RYR2: variants seen among roughly 807,000 people sequenced by gnomAD.
RYR2 encodes the protein ryanodine receptor 2.
A neutral mutation model predicts 601.1 loss-of-function variants in RYR2; 227 were observed. That is an observed-to-expected ratio of 0.38 (90% CI 0.34 to 0.42). The LOEUF (loss-of-function observed/expected upper bound fraction) is 0.42. Among genes scored for constraint, RYR2 ranks in the 10% least tolerant of loss-of-function variants. The pLI, the probability that RYR2 is intolerant of heterozygous loss-of-function variation, is 1.00. For synonymous variants in RYR2, 2,223 were observed against 2,175.1 expected (o/e 1.02, Z -0.61); for missense variants, 4,646 against 6,156.5 (o/e 0.75, Z 8.21).
chr1:237,828,765 TG>T (rs1363110921), intron 102 of RYR2, among the ~76,000 whole-genome samples: 1 of 152,176 alleles, frequency 6.6e-6, no homozygotes, highest in African/African-American at 2.4e-5. Flanking sequence ...GAGTCCTTTA[TG>T]GGAGTAAAGC....
intron 20 of RYR2, among the ~76,000 whole-genome samples, 183 bp downstream of exon 20, chr1:237,496,935 A>G (rs1664136338): frequency 6.6e-6 from 1 of 152,226 alleles, no homozygotes; most frequent in Non-Finnish European, 1.5e-5. Flanking sequence ...GAAAAAGAAA[A>G]TACTTAAAAT....
chr1:237,618,891 T>A (rs1678781163), intron 38 of RYR2, among the ~76,000 whole-genome samples: 2 of 152,252 alleles, frequency 1.3e-5, no homozygotes, highest in South Asian at 4.1e-4. Flanking sequence ...CTCTTACCTT[T>A]CTAGCAAGGT....
chr1:237,070,550 C>G (rs1664192649), intron 1 of RYR2, among the ~76,000 whole-genome samples: 1 of 152,166 alleles, frequency 6.6e-6, no homozygotes, highest in African/African-American at 2.4e-5. Flanking sequence ...AGTGGTGCCT[C>G]TGCTTGGGTT....
chr1:237,611,623 T>C (rs1306469047), intron 36 of RYR2, among the ~76,000 whole-genome samples: 5 of 152,258 alleles, frequency 3.3e-5, no homozygotes, highest in Admixed American at 2.6e-4. Context: ...TTCTTATCAA[T>C]AAGGAGCTAA....
At chr1:237,802,043 T>A (rs1234289920) in intron 98 of RYR2, 127 bp downstream of exon 98, 1 of 520,572 alleles carries the variant, frequency 1.9e-6, no homozygotes, top group Non-Finnish European at 3.5e-6. Context: ...ACAGACCAGA[T>A]CTGGAGAGAG....
In RYR2 at chr1:237,425,054, G is replaced by A. The variant is rs1308130645; in HGVS notation, c.1005+1806G>A. On this transcript the variant is annotated intron_variant, in intron 12 of 104. Coordinates refer to ENST00000366574, the MANE Select transcript of RYR2 (RefSeq NM_001035.3). ...CAAGAAAACATATTCATTATTTAGA[G>A]TGATAATTGTAACAAAATTAAAAGT... 3.9e-5 allele frequency among the ~76,000 whole-genome samples: 6 copies of A among 152,100 alleles called. No individual in the cohort carries two copies. In the South Asian group the frequency reaches 1.2e-3, roughly 32 times the overall value.
Position 237,438,862 on chromosome 1 carries a change from C to A in RYR2, c.1006-2457C>A, listed in dbSNP as rs151275842. ...TTTCTTCCTGCTTTTGGTCCAAGTG[C>A]CTTTAAGTCAATTCTTAAAAGGATT... On this transcript the variant is annotated intron_variant, in intron 12 of 104. Transcript: ENST00000366574. 2.8e-3 allele frequency among the ~76,000 whole-genome samples: 419 copies of A among 152,228 alleles called. 5 individuals carry two copies. Among genetic ancestry groups the A allele is most frequent in the African/African-American group, 9.6e-3 (397 of 41,556 alleles).
intron 35 of RYR2, among the ~76,000 whole-genome samples, chr1:237,606,615 A>G (rs1677155989): frequency 6.6e-6 from 1 of 152,238 alleles, no homozygotes; most frequent in Admixed American, 6.5e-5. Context: ...AGAAACTACC[A>G]TCAGAGTCAA....
At chr1:237,802,880 C>T (rs1660135988) in intron 98 of RYR2, among the ~76,000 whole-genome samples, 1 of 152,192 alleles carries the variant, frequency 6.6e-6, no homozygotes, top group African/African-American at 2.4e-5. Context: ...TTTTTGTCCT[C>T]TTGATAACTT....
chr1:237,611,136 C>A, intron 36 of RYR2, 148 bp downstream of exon 36: 1 of 632,802 alleles, frequency 1.6e-6, no homozygotes. Context: ...GCAATGGAGT[C>A]ATTATTCTGC....
intron 102 of RYR2, among the ~76,000 whole-genome samples, chr1:237,829,040 G>A (rs1302413001): frequency 6.6e-6 from 1 of 152,182 alleles, no homozygotes; most frequent in African/African-American, 2.4e-5. Context: ...GGAAGTTGAT[G>A]TGCAGGTTTT....
At chr1:237,290,826 C>A (rs1692113292) in intron 2 of RYR2, among the ~76,000 whole-genome samples, 1 of 152,068 alleles carries the variant, frequency 6.6e-6, no homozygotes, top group Non-Finnish European at 1.5e-5. Context: ...GGAAAATGTT[C>A]AATATGTTTG....
chr1:237,071,252 T>C (rs2148323481), intron 1 of RYR2, among the ~76,000 whole-genome samples: 1 of 152,064 alleles, frequency 6.6e-6, no homozygotes, highest in East Asian at 1.9e-4. Flanking sequence ...AGACGAAGTC[T>C]TGCTCTTGTC....
At chr1:237,514,910 TATATC>T (rs1279580396) in intron 24 of RYR2, among the ~76,000 whole-genome samples, 14 of 152,238 alleles carry the variant, frequency 9.2e-5, no homozygotes, top group African/African-American at 2.7e-4. Context: ...GTTTAATAAA[TATATC>T]ATGGGAGGGA....
chr1:237,709,663 G>A, intron 70 of RYR2, 96 bp downstream of exon 70: 1 of 671,938 alleles, frequency 1.5e-6, no homozygotes, highest in East Asian at 2.8e-5. Context: ...AGAGAGAATA[G>A]GTTCCCCTGA....
intron 2 of RYR2, among the ~76,000 whole-genome samples, chr1:237,297,508 A>G (rs556062168): frequency 4.6e-4 from 70 of 152,148 alleles, no homozygotes; most frequent in Non-Finnish European, 7.6e-4. Flanking sequence ...ACTCAGGAAC[A>G]ATAGCTATTT....
chr1:237,709,281 G>A (rs1031002995), intron 69 of RYR2, among the ~76,000 whole-genome samples, 183 bp downstream of exon 69: 4 of 151,882 alleles, frequency 2.6e-5, no homozygotes, highest in African/African-American at 4.8e-5. Context: ...AAAGTTGGCC[G>A]TTTCATTCTG....
intron 1 of RYR2, among the ~76,000 whole-genome samples, chr1:237,186,736 T>C (rs914417219): frequency 4.6e-5 from 7 of 152,204 alleles, no homozygotes; most frequent in African/African-American, 1.7e-4. Context: ...ATCATCTTGA[T>C]TGACTGTTGA....
intron 1 of RYR2, among the ~76,000 whole-genome samples, chr1:237,249,505 A>C (rs1406273524): frequency 6.6e-6 from 1 of 152,152 alleles, no homozygotes; most frequent in Non-Finnish European, 1.5e-5. Context: ...ACTTACTTTG[A>C]TCTTTATGGT....
Sources: allele counts gnomAD v4.1 joint callset (sites outside exome capture counted in the v4.1 genomes callset), GRCh38; gene constraint gnomAD v4.1.1; transcripts MANE v1.5; gene names NCBI Gene and HGNC (gene_info 2026-07-23, HGNC 2026-07-21).